Variants in DLG2 observed in about 807,000 individuals in gnomAD.
DLG2 encodes discs large MAGUK scaffold protein 2, also known as disks large homolog 2.
A neutral mutation model predicts 132.5 loss-of-function variants in DLG2; 45 were observed. The ratio of observed to expected loss-of-function variants is 0.34; its 90% CI spans 0.27 to 0.44. The LOEUF is 0.44. Ranked by LOEUF, DLG2 falls within the 20% of genes least tolerant of loss-of-function variation. The pLI is 1.00. For synonymous variants in DLG2, 424 were observed against 419.6 expected (o/e 1.01, Z -0.13); for missense variants, 1,045 against 1,196.9 (o/e 0.87, Z 1.87).
At chr11:84,137,267 C>T (rs922583251) in intron 9 of DLG2, among the ~76,000 whole-genome samples, 2 of 152,098 alleles carry the variant, frequency 1.3e-5, no homozygotes, top group African/African-American at 4.8e-5. Flanking sequence ...ATGAAACTGT[C>T]TAAGCATGGT....
intron 8 of DLG2, among the ~76,000 whole-genome samples, chr11:84,236,777 G>C (rs2097163281): frequency 6.6e-6 from 1 of 152,036 alleles, no homozygotes; most frequent in African/African-American, 2.4e-5. Flanking sequence ...AATCATAGTA[G>C]GTTAGCAGGT....
intron 6 of DLG2, among the ~76,000 whole-genome samples, chr11:84,792,336 G>A (rs920030221): frequency 2.0e-5 from 3 of 152,048 alleles, no homozygotes; most frequent in African/African-American, 7.2e-5. Context: ...TGGTTTGCTA[G>A]TATTTTGCTG....
intron 7 of DLG2, among the ~76,000 whole-genome samples, chr11:84,420,707 C>A: frequency 9.5e-6 from 1 of 105,712 alleles, no homozygotes; most frequent in East Asian, 3.4e-4. Context: ...CTTGCTCTGT[C>A]GCCCAGGCTG....
At chr11:85,388,840 A>G (rs1427453054) in intron 3 of DLG2, among the ~76,000 whole-genome samples, 1 of 152,178 alleles carries the variant, frequency 6.6e-6, no homozygotes, top group East Asian at 1.9e-4. Flanking sequence ...GGACAAAAAA[A>G]TCGGAACAGA....
chr11:83,944,718 T>C (rs2083409693), intron 14 of DLG2, among the ~76,000 whole-genome samples: 1 of 152,160 alleles, frequency 6.6e-6, no homozygotes, highest in Non-Finnish European at 1.5e-5. Flanking sequence ...ACAGCTTAGA[T>C]AGACACCAGG....
At chr11:84,052,053 G>T (rs955940056) in intron 11 of DLG2, among the ~76,000 whole-genome samples, 2 of 151,776 alleles carry the variant, frequency 1.3e-5, no homozygotes, top group African/African-American at 4.8e-5. Flanking sequence ...GATATCATAA[G>T]GCTAAGTTTT....
intron 6 of DLG2, among the ~76,000 whole-genome samples, chr11:84,757,917 T>A (rs77899603): frequency 6.6e-6 from 1 of 152,144 alleles, no homozygotes; most frequent in Non-Finnish European, 1.5e-5. Context: ...ATGCCTCTTA[T>A]CCTAATACCA....
intron 8 of DLG2, among the ~76,000 whole-genome samples, chr11:84,220,779 T>A (rs2096902255): frequency 8.2e-6 from 1 of 122,024 alleles, no homozygotes; most frequent in Admixed American, 1.1e-4. Context: ...CTTTTTCTTT[T>A]CTTTTTTTTT....
chr11:83,778,421 A>G (rs902407867), intron 18 of DLG2, among the ~76,000 whole-genome samples: 1 of 152,164 alleles, frequency 6.6e-6, no homozygotes, highest in African/African-American at 2.4e-5. Context: ...TGACTGATTT[A>G]TGTCACTAAA....
At chr11:84,952,396 A>G (rs1430169466) in intron 6 of DLG2, among the ~76,000 whole-genome samples, 1 of 152,140 alleles carries the variant, frequency 6.6e-6, no homozygotes, top group East Asian at 1.9e-4. Context: ...GGGCGCCTGT[A>G]GTCCCAGCTA....
chr11:85,234,142 A>G (rs2075451433), intron 4 of DLG2, among the ~76,000 whole-genome samples: 1 of 151,902 alleles, frequency 6.6e-6, no homozygotes, highest in Admixed American at 6.6e-5. Context: ...CATTTAAACT[A>G]CTGATTATAA....
At chr11:85,398,829 C>T (rs1177061010) in intron 3 of DLG2, among the ~76,000 whole-genome samples, 2 of 152,094 alleles carry the variant, frequency 1.3e-5, no homozygotes, top group East Asian at 3.9e-4. Context: ...AGATTCACAG[C>T]CAAATTCTAC....
intron 7 of DLG2, among the ~76,000 whole-genome samples, chr11:84,505,518 AC>A (rs2099236584): frequency 6.6e-6 from 1 of 152,172 alleles, no homozygotes; most frequent in African/African-American, 2.4e-5. Context: ...TCTATAATTT[AC>A]TAGTTAAATG....
intron 19 of DLG2, among the ~76,000 whole-genome samples, chr11:83,619,055 C>A (rs892219981): frequency 1.3e-5 from 2 of 152,158 alleles, no homozygotes; most frequent in African/African-American, 2.4e-5. Context: ...AAACTTAAAC[C>A]CGTATCCATT....
At chr11:84,724,104 T>C (rs1226593455) in intron 6 of DLG2, among the ~76,000 whole-genome samples, 4 of 152,126 alleles carry the variant, frequency 2.6e-5, no homozygotes, top group Non-Finnish European at 4.4e-5. Context: ...AAAGAATAGA[T>C]TGGCTACTAG....
intron 3 of DLG2, among the ~76,000 whole-genome samples, chr11:85,465,852 C>G (rs1346285319): frequency 3.3e-5 from 5 of 151,722 alleles, no homozygotes; most frequent in Non-Finnish European, 5.9e-5. Flanking sequence ...AATGGTATTT[C>G]TAGTTCTAGA....
intron 3 of DLG2, among the ~76,000 whole-genome samples, chr11:85,439,357 T>C (rs983561068): frequency 1.3e-5 from 1 of 78,544 alleles, no homozygotes; most frequent in African/African-American, 4.5e-5. Context: ...TTCCTCAGCA[T>C]TTTTTTTTTT....
chr11:84,507,008 CT>C (rs1715602193), intron 7 of DLG2, among the ~76,000 whole-genome samples: 1 of 152,156 alleles, frequency 6.6e-6, no homozygotes, highest in African/African-American at 2.4e-5. Context: ...TTTATTATAG[CT>C]TAGTTTCCAA....
At chr11:85,542,187 C>T (rs2076014365) in intron 3 of DLG2, among the ~76,000 whole-genome samples, 2 of 152,030 alleles carry the variant, frequency 1.3e-5, no homozygotes. Flanking sequence ...TTCTTTCCTC[C>T]TCATTTCAGG....
Sources: allele counts gnomAD v4.1 joint callset (sites outside exome capture counted in the v4.1 genomes callset), GRCh38; gene constraint gnomAD v4.1.1; transcripts MANE v1.5; gene names NCBI Gene and HGNC (gene_info 2026-07-23, HGNC 2026-07-21).